The following CNTNAP2 variants were observed in gnomAD, a reference collection of about 807,000 sequenced individuals.
CNTNAP2 encodes contactin-associated protein-like 2.
Under a neutral mutation model 155.2 loss-of-function variants are expected in CNTNAP2, and 98 were observed. The ratio of observed to expected loss-of-function variants is 0.63; its 90% CI spans 0.54 to 0.75. The LOEUF is 0.75. Ranked by LOEUF, CNTNAP2 falls within the 30% of genes least tolerant of loss-of-function variation. The pLI is 0.00. For missense variants in CNTNAP2, 1,727 were observed against 1,688.1 expected (o/e 1.02, Z -0.40); for synonymous variants, 651 against 631.2 (o/e 1.03, Z -0.47).
chr7:146,617,373 C>T (rs923850209), intron 1 of CNTNAP2, among the ~76,000 whole-genome samples: 6 of 152,084 alleles, frequency 3.9e-5, no homozygotes, highest in African/African-American at 9.7e-5. Context: ...CATTTTTCTG[C>T]GAGAGGGAAC....
intron 1 of CNTNAP2, among the ~76,000 whole-genome samples, chr7:146,307,451 A>C (rs1800734040): frequency 6.6e-6 from 1 of 152,190 alleles, no homozygotes; most frequent in Non-Finnish European, 1.5e-5. Context: ...GCTACCAGTG[A>C]CTTTCTTCAC....
chr7:146,163,547 A>G (rs1462584637), intron 1 of CNTNAP2, among the ~76,000 whole-genome samples: 1 of 140,404 alleles, frequency 7.1e-6, no homozygotes, highest in African/African-American at 2.8e-5. Context: ...CTATATCTAT[A>G]TATCTATATC....
chr7:147,759,465 C>T (rs1797266185), intron 13 of CNTNAP2, among the ~76,000 whole-genome samples: 1 of 152,146 alleles, frequency 6.6e-6, no homozygotes, highest in South Asian at 2.1e-4. Context: ...TACCAAAATC[C>T]ATGTCTTATC....
At chr7:146,873,293 G>C (rs915417303) in intron 3 of CNTNAP2, among the ~76,000 whole-genome samples, 2 of 152,164 alleles carry the variant, frequency 1.3e-5, no homozygotes, top group Non-Finnish European at 2.9e-5. Flanking sequence ...GAAGCACATA[G>C]AGGAGGAGCT....
intron 1 of CNTNAP2, among the ~76,000 whole-genome samples, chr7:146,222,975 T>G (rs1799233378): frequency 6.6e-6 from 1 of 152,124 alleles, no homozygotes; most frequent in African/African-American, 2.4e-5. Flanking sequence ...AGGTAAATTT[T>G]TTAAGATGAC....
At chr7:147,487,092 C>T (rs1423118315) in intron 11 of CNTNAP2, among the ~76,000 whole-genome samples, 2 of 152,146 alleles carry the variant, frequency 1.3e-5, no homozygotes, top group African/African-American at 4.8e-5. Flanking sequence ...AAATGTCATA[C>T]AGCTCTCTAA....
intron 11 of CNTNAP2, among the ~76,000 whole-genome samples, chr7:147,536,292 G>A (rs1454287750): frequency 6.6e-6 from 1 of 152,144 alleles, no homozygotes; most frequent in Admixed American, 6.5e-5. Context: ...CATCTATCAC[G>A]CACAGGGTGC....
chr7:146,588,833 A>G (rs1347439899), intron 1 of CNTNAP2, among the ~76,000 whole-genome samples: 1 of 152,136 alleles, frequency 6.6e-6, no homozygotes, highest in Non-Finnish European at 1.5e-5. Flanking sequence ...TGAACCAACA[A>G]TCTTCTGAGC....
chr7:147,936,947 C>A (rs1288436182), intron 14 of CNTNAP2, among the ~76,000 whole-genome samples: 1 of 152,118 alleles, frequency 6.6e-6, no homozygotes, highest in African/African-American at 2.4e-5. Context: ...TAATGTTGCA[C>A]CCCATTGCTG....
chr7:146,311,607 C>CAAAAAAAAAA (rs71175646), intron 1 of CNTNAP2: 28 of 38,786 alleles, frequency 7.2e-4, no homozygotes, highest in African/African-American at 1.2e-3. Flanking sequence ...CTTGTCTTTA[C>CAAAAAAAAAA]AAAAAAAAAA....
At chr7:147,257,509 G>C (rs187670399) in intron 8 of CNTNAP2, among the ~76,000 whole-genome samples, 1 of 152,156 alleles carries the variant, frequency 6.6e-6, no homozygotes, top group Admixed American at 6.5e-5. Context: ...CTTCTAACAA[G>C]GGGTATTCCT....
At chr7:147,208,785 A>G (rs1451732135) in intron 8 of CNTNAP2, among the ~76,000 whole-genome samples, 1 of 152,028 alleles carries the variant, frequency 6.6e-6, no homozygotes, top group African/African-American at 2.4e-5. Flanking sequence ...ATGTAATTTG[A>G]TTATAAGAAT....
At chr7:147,422,265 A>G (rs1330906915) in intron 10 of CNTNAP2, among the ~76,000 whole-genome samples, 1 of 150,130 alleles carries the variant, frequency 6.7e-6, no homozygotes, top group Non-Finnish European at 1.5e-5. Flanking sequence ...CACAATATAT[A>G]CTGTATATAT....
chr7:146,553,812 C>T (rs1465368371), intron 1 of CNTNAP2, among the ~76,000 whole-genome samples: 1 of 152,024 alleles, frequency 6.6e-6, no homozygotes, highest in East Asian at 1.9e-4. Context: ...AGTGTGAGCT[C>T]TTCTCACTTC....
At chr7:146,941,827 G>A (rs1462177022) in intron 3 of CNTNAP2, among the ~76,000 whole-genome samples, 1 of 151,046 alleles carries the variant, frequency 6.6e-6, no homozygotes, top group Non-Finnish European at 1.5e-5. Context: ...AATCTTTTCT[G>A]GACTGTAAGA....
intron 15 of CNTNAP2, among the ~76,000 whole-genome samples, chr7:148,104,576 A>G (rs1280417666): frequency 2.0e-5 from 3 of 152,330 alleles, no homozygotes; most frequent in East Asian, 3.9e-4. Context: ...TCATTACAAC[A>G]GGGCAGATGA....
At chr7:148,176,155 G>C (rs1368268081) in intron 18 of CNTNAP2, among the ~76,000 whole-genome samples, 1 of 150,000 alleles carries the variant, frequency 6.7e-6, no homozygotes, top group Admixed American at 6.6e-5. Flanking sequence ...AACCACACAA[G>C]AAGGGGACTT....
intron 13 of CNTNAP2, among the ~76,000 whole-genome samples, chr7:147,759,683 G>C (rs1267335244): frequency 6.6e-6 from 1 of 152,188 alleles, no homozygotes; most frequent in Non-Finnish European, 1.5e-5. Context: ...TGCCACACGA[G>C]GATGTGGGCT....
intron 8 of CNTNAP2, among the ~76,000 whole-genome samples, chr7:147,278,800 G>T (rs371826728): frequency 6.6e-6 from 1 of 151,000 alleles, no homozygotes; most frequent in East Asian, 1.9e-4. Flanking sequence ...CAGTCTTTTC[G>T]TATAATGTTA....
Sources: gnomAD v4.1 joint callset for allele counts (sites outside exome capture counted in the v4.1 genomes callset) on GRCh38, gnomAD v4.1.1 for gene constraint, MANE v1.5 for transcripts, NCBI Gene and HGNC (gene_info 2026-07-23, HGNC 2026-07-21) for gene names.